Variants in SLC39A1 observed in about 807,000 individuals in gnomAD.
The protein encoded by SLC39A1 is solute carrier family 39 member 1, also known as zinc transporter ZIP1.
Under a neutral mutation model 21.4 loss-of-function variants are expected in SLC39A1, and 17 were observed. The ratio of observed to expected loss-of-function variants is 0.79; its 90% CI spans 0.54 to 1.19. SLC39A1 has a LOEUF of 1.19. Among genes scored for constraint, SLC39A1 ranks in the 50% most tolerant of loss-of-function variants. SLC39A1 has a pLI of 0.00. For missense variants in SLC39A1, 343 were observed against 399.8 expected (o/e 0.86, Z 1.21); for synonymous variants, 183 against 185.9 (o/e 0.98, Z 0.13).
At position 153,960,725 on chromosome 1, in the gene SLC39A1, C is replaced by A; in HGVS notation, c.348G>T (p.Leu116=). The change falls in exon 4 of 4, where the codon CTG becomes CTT. Residue 116 remains leucine (L), a synonymous_variant. Transcript: ENST00000356205. ...TLQFPLQEFI[L]AMGFFLVLVM... ...CCAGGACCAGGAAGAAGCCCATGGC[C>A]AGGATGAACTCTTGCAGTGGGAACT... The A allele has an allele frequency of 1.2e-6, 2 of 1,611,996 alleles. No individual in the cohort carries two copies. The highest frequency in any genetic ancestry group is 1.7e-6 in the Non-Finnish European group (2 of 1,179,888).
rs756073705 is a variant in SLC39A1 at position 153,960,167 on chromosome 1, C to G, written c.906G>C (p.Arg302Ser). ...CTAGGAGCAGAATGACCTTGAGGAT[C>G]CTTTGCTCAGAACTGGCCAGCTCCT... ...LPQELASSEQ[R>S]ILKVILLLAG... Residue 302 changes from arginine to serine, a missense_variant, in exon 4 of 4, where the codon AGG becomes AGC. Coordinates refer to ENST00000356205, the MANE Select transcript of SLC39A1 (RefSeq NM_001271958.2). 1 of 1,614,094 alleles carries G rather than the reference C, an allele frequency of 6.2e-7. No homozygotes were observed. Among genetic ancestry groups the G allele is most frequent in the African/African-American group, 1.3e-5 (1 of 74,944 alleles).
At chr1:153,965,388 C>T (rs12027783), upstream of SLC39A1, among the ~76,000 whole-genome samples, 39,562 of 151,890 alleles carry the variant, frequency 0.26, 5,739 homozygotes, top group Admixed American at 0.38. Context: ...GATCACACCT[C>T]TGCACTCCAG....
chr1:153,959,874 G>T lies in SLC39A1; in HGVS notation c.*224C>A, dbSNP rs112657271. On this transcript the variant is annotated 3_prime_UTR_variant, in exon 4 of 4. Transcript: ENST00000356205. Reference sequence around the variant, plus strand: ...TAATGTCCCCTGATATGTCTCTAGCGACTTGACCATCTCTTGTTCCTTGGG... The same window carrying T: ...TAATGTCCCCTGATATGTCTCTAGCTACTTGACCATCTCTTGTTCCTTGGG... 9.1e-6 allele frequency: 5 copies of T among 549,830 alleles called. No homozygotes were observed. Among genetic ancestry groups the T allele is most frequent in the African/African-American group, 1.9e-5 (1 of 53,180 alleles). The allele number at this position is 549,830 out of a possible 1,614,324, so 34.1% of individuals were successfully genotyped here.
Position 153,962,213 on chromosome 1 carries a change from T to G in SLC39A1, c.318+7A>C. On this transcript the variant is annotated splice_region_variant and intron_variant, in intron 3 of 3. Transcript: ENST00000356205. ...CCCGCAAGTCACATGCCCAGGCCAG[T>G]GCTCACCGTCACGTGCAAGGCTGCC... 1 of 1,613,528 alleles carries G rather than the reference T, an allele frequency of 6.2e-7. No individual in the cohort carries two copies. The highest frequency in any genetic ancestry group is 8.5e-7 in the Non-Finnish European group (1 of 1,179,648).
At chr1:153,962,811 G>T in intron 1 of SLC39A1, 64 bp from the exon 2 acceptor site, 1 of 1,335,340 alleles carries the variant, frequency 7.5e-7, no homozygotes, top group Non-Finnish European at 9.9e-7. Flanking sequence ...AAGGAATGGG[G>T]AAGCTTGGTC....
chr1:153,960,238 C>G lies in SLC39A1; in HGVS notation c.835G>C (p.Ala279Pro). The G allele has an allele frequency of 6.2e-7, 1 of 1,614,182 alleles. No homozygotes were observed. The highest frequency in any genetic ancestry group is 2.2e-5 in the East Asian group (1 of 44,886). The change falls in exon 4 of 4, where the codon GCA (alanine) becomes CCA (proline). Residue 279 changes from alanine (A) to proline (P), a missense_variant. Ala to Pro is a conservative substitution (Grantham distance 27). Transcript: ENST00000356205. ...GTGATATAGAGAAAGGTGCCAGCTG[C>G]CATGCCCTCTAGCACAGACTGGGCC... ...QLAQSVLEGMAAGTFLYITFL... is the reference protein window; with the variant it reads ...QLAQSVLEGMPAGTFLYITFL...
rs1442642532 is a variant in SLC39A1, at chr1:153,960,143, TAGGAGCA to T, written c.923_929del (p.Leu308GlnfsTer26). On this transcript the variant is annotated frameshift_variant, in exon 4 of 4. Transcript: ENST00000356205. LOFTEE classifies it high-confidence loss of function. The stretch of plus-strand genomic sequence containing the variant: ...GGCCAGTGAGCAGGGCAAAGCCTGC[TAGGAGCA>T]GAATGACCTTGAGGATCCTTTGCTC... The T allele has an allele frequency of 6.2e-7, 1 of 1,614,008 alleles. No individual in the cohort carries two copies. Among genetic ancestry groups the T allele is most frequent in the East Asian group, 2.2e-5 (1 of 44,894 alleles).
At chr1:153,961,784 C>A (rs1647455359) in intron 3 of SLC39A1, among the ~76,000 whole-genome samples, 2 of 152,190 alleles carry the variant, frequency 1.3e-5, no homozygotes, top group African/African-American at 4.8e-5. Context: ...TGGACTTGAT[C>A]ATTCCTCACA....
At position 153,959,896 on chromosome 1, in the gene SLC39A1, T is replaced by C. The variant is rs1647263478; in HGVS notation, c.*202A>G. 2 of 584,568 alleles carry C rather than the reference T, an allele frequency of 3.4e-6. No individual in the cohort carries two copies. The highest frequency in any genetic ancestry group is 6.1e-6 in the Non-Finnish European group (2 of 328,094). The allele number at this position is 584,568 out of a possible 1,614,324, so 36.2% of individuals were successfully genotyped here. ...AGCGACTTGACCATCTCTTGTTCCT[T>C]GGGACTGGGGCCAGCCTCTTGTCTG... is the stretch of plus-strand genomic sequence containing the variant. On this transcript the variant is annotated 3_prime_UTR_variant, in exon 4 of 4. Transcript: ENST00000356205.
rs1162323838 is a variant in SLC39A1 at position 153,963,477 on chromosome 1, C to CA, written c.-33+17dup. ...GGGCAGCCGACATGGACCCCGCTGCCAGACAGCCCGCACTCACCTCGCGAG... is the reference window on the plus strand; with the variant it reads ...GGGCAGCCGACATGGACCCCGCTGCCAAGACAGCCCGCACTCACCTCGCGAG... On this transcript the variant is annotated intron_variant, in intron 1 of 3. Coordinates refer to ENST00000356205, the MANE Select transcript of SLC39A1 (RefSeq NM_001271958.2). 1 of 152,312 alleles carries CA rather than the reference C, an allele frequency of 6.6e-6. No homozygotes were observed. Among genetic ancestry groups the CA allele is most frequent in the Non-Finnish European group, 1.5e-5 (1 of 68,118 alleles). 9.4% of individuals were successfully genotyped at this position (152,312 alleles called of 1,614,324 possible).
upstream of SLC39A1, among the ~76,000 whole-genome samples, chr1:153,966,117 G>A (rs1181345226): frequency 2.0e-5 from 3 of 152,084 alleles, no homozygotes; most frequent in Non-Finnish European, 4.4e-5. Flanking sequence ...CACCTTTCTC[G>A]CTCTCAGAAT....
At chr1:153,962,375 G>A (rs957568654) in intron 2 of SLC39A1, 25 bp from the exon 3 acceptor site, 4 of 1,610,184 alleles carry the variant, frequency 2.5e-6, no homozygotes, top group Non-Finnish European at 2.5e-6. Context: ...AGCACAGAGG[G>A]GAATAAGCAA....
At position 153,960,395 on chromosome 1, in the gene SLC39A1, G is replaced by T; in HGVS notation, c.678C>A (p.Ser226=). 6.2e-7 allele frequency: 1 copy of T among 1,614,042 alleles called. No homozygotes were observed. The highest frequency in any genetic ancestry group is 8.5e-7 in the Non-Finnish European group (1 of 1,180,044). ...LHKGILAVSL[S]LRLLQSHLRA... is the part of the protein sequence containing the mutation. ...TAAGGTGGCTCTGCAACAGCCGCAG[G>T]GACAGGCTGACAGCCAGGATGCCCT... is the stretch of plus-strand genomic sequence containing the variant. The change falls in exon 4 of 4, where the codon TCC becomes TCA. Residue 226 remains serine (S), a synonymous_variant. Transcript: ENST00000356205.
chr1:153,960,691 G>C lies in SLC39A1; in HGVS notation c.382C>G (p.Gln128Glu). 5 of 1,613,784 alleles carry C rather than the reference G, an allele frequency of 3.1e-6. No individual in the cohort carries two copies. Among genetic ancestry groups the C allele is most frequent in the Middle Eastern group, 1.6e-4 (1 of 6,084 alleles). The change falls in exon 4 of 4, where the codon CAG becomes GAG. Residue 128 changes from glutamine (Q) to glutamate (E), a missense_variant. By Grantham distance (29) the Gln-to-Glu change is conservative. Coordinates refer to ENST00000356205, the MANE Select transcript of SLC39A1 (RefSeq NM_001271958.2). ...TGCTCCTTGTAAGCCAGTGTGATCT[G>C]CTCCATCACCAGGACCAGGAAGAAG... is the stretch of plus-strand genomic sequence containing the variant. ...MGFFLVLVMEQITLAYKEQSG... is the reference protein window; with the variant it reads ...MGFFLVLVMEEITLAYKEQSG...
chr1:153,965,505 C>G (rs1007137530), upstream of SLC39A1, among the ~76,000 whole-genome samples: 18 of 152,218 alleles, frequency 1.2e-4, no homozygotes, highest in African/African-American at 4.3e-4. Flanking sequence ...TGCATTACTT[C>G]ACATATTTAT....
At chr1:153,962,460 T>C (rs1220981719) in intron 2 of SLC39A1, 69 bp downstream of exon 2, 2 of 1,576,904 alleles carry the variant, frequency 1.3e-6, no homozygotes, top group Non-Finnish European at 1.7e-6. Context: ...CTTTGGTCAC[T>C]CCCCGCCAGC....
At chr1:153,964,151 G>A (rs1441297574), upstream of SLC39A1, among the ~76,000 whole-genome samples, 4 of 152,254 alleles carry the variant, frequency 2.6e-5, no homozygotes, top group Admixed American at 2.6e-4. Flanking sequence ...CAGGTGGGTG[G>A]GGACGTGGTG....
rs1489966012 is a variant in SLC39A1 at position 153,959,497 on chromosome 1, G to A, written c.*601C>T. On this transcript the variant is annotated 3_prime_UTR_variant, in exon 4 of 4. Coordinates refer to ENST00000356205, the MANE Select transcript of SLC39A1 (RefSeq NM_001271958.2). ...TCAGTGCCACATTACTGTGCTTTGA[G>A]AAAGAGGAAGGGGATTTGTTTGGCA... 1 of 390,998 alleles carries A rather than the reference G, an allele frequency of 2.6e-6. No homozygotes were observed. Among genetic ancestry groups the A allele is most frequent in the Non-Finnish European group, 4.5e-6 (1 of 221,622 alleles). The allele number at this position is 390,998 out of a possible 1,614,324, so 24.2% of individuals were successfully genotyped here.
In SLC39A1 at chr1:153,960,654, G is replaced by A; in HGVS notation, c.419C>T (p.Ser140Leu). ...CAGAGCCCTTGTTTCCTCCAGAGGT[G>A]ACGGCCCTGACTGCTCCTTGTAAGC... is the stretch of plus-strand genomic sequence containing the variant. ...TLAYKEQSGPSPLEETRALLG... is the reference protein window; with the variant it reads ...TLAYKEQSGPLPLEETRALLG... Residue 140 changes from serine to leucine, a missense_variant, in exon 4 of 4, where the codon TCA becomes TTA. Ser to Leu is a moderately radical substitution (Grantham distance 145). Transcript: ENST00000356205. 6.2e-7 allele frequency: 1 copy of A among 1,614,174 alleles called. No individual in the cohort carries two copies. Among genetic ancestry groups the A allele is most frequent in the Non-Finnish European group, 8.5e-7 (1 of 1,180,020 alleles).
Sources: allele counts gnomAD v4.1 joint callset (sites outside exome capture counted in the v4.1 genomes callset), GRCh38; gene constraint gnomAD v4.1.1; transcripts MANE v1.5; gene names NCBI Gene and HGNC (gene_info 2026-07-23, HGNC 2026-07-21).